Variants in SHQ1 observed in about 807,000 individuals in gnomAD.
The protein encoded by SHQ1 is SHQ1, H/ACA ribonucleoprotein assembly factor, also known as protein SHQ1 homolog.
In SHQ1, 49 loss-of-function variants were observed where a neutral mutation model predicts 53.8. The observed-to-expected ratio is 0.91, with a 90% CI of 0.72 to 1.16. The LOEUF (loss-of-function observed/expected upper bound fraction) is 1.16, where lower values mean the gene tolerates loss of function less well. Among genes scored for constraint, SHQ1 ranks in the 50% most tolerant of loss-of-function variants. The pLI is 0.00. For synonymous variants in SHQ1, 243 were observed against 251.0 expected (o/e 0.97, Z 0.30); for missense variants, 738 against 683.1 (o/e 1.08, Z -0.90).
intron 10 of SHQ1, among the ~76,000 whole-genome samples, chr3:72,774,917 C>T (rs1333998766): frequency 6.6e-6 from 1 of 152,014 alleles, no homozygotes; most frequent in East Asian, 1.9e-4. Context: ...GAGTTCAAGA[C>T]CAGCCTGACC....
chr3:72,782,324 CA>C (rs1252936239), intron 10 of SHQ1, among the ~76,000 whole-genome samples: 1 of 152,140 alleles, frequency 6.6e-6, no homozygotes, highest in Non-Finnish European at 1.5e-5. Context: ...TAAGCAAAAA[CA>C]ATTTCCTTGA....
the SHQ1 span, among the ~76,000 whole-genome samples, chr3:72,727,392 G>A: frequency 6.6e-6 from 1 of 152,098 alleles, no homozygotes; most frequent in Non-Finnish European, 1.5e-5. Flanking sequence ...CAACCCTCCG[G>A]AGGTCTACAG....
chr3:72,792,465 G>A (rs1470950244), intron 10 of SHQ1, among the ~76,000 whole-genome samples: 1 of 152,002 alleles, frequency 6.6e-6, no homozygotes, highest in Non-Finnish European at 1.5e-5. Context: ...TTAGTGTTTG[G>A]TAGGTCTATG....
rs76905931 is a variant in SHQ1 at position 72,771,715 on chromosome 3, G to C, written c.1182-20879C>G. On this transcript the variant is annotated intron_variant, in intron 10 of 10. Transcript: ENST00000325599. ...CAAGATGGACAAAGGTTGGAAATTT[G>C]GACCTATAAGAATAATTTAAGGCAG... 1.7e-3 allele frequency among the ~76,000 whole-genome samples: 259 copies of C among 152,318 alleles called. 8 individuals carry two copies. The East Asian group carries it at 0.043, about 25-fold the overall frequency.
At chr3:72,823,018 C>T (rs1029321875) in intron 6 of SHQ1, among the ~76,000 whole-genome samples, 3 of 151,808 alleles carry the variant, frequency 2.0e-5, no homozygotes, top group Non-Finnish European at 2.9e-5. Flanking sequence ...GCGCGGTGGC[C>T]GGTGCCTGTA....
chr3:72,815,443 G>C (rs772807142), intron 7 of SHQ1, 40 bp from the exon 8 acceptor site: 10 of 1,520,910 alleles, frequency 6.6e-6, no homozygotes, highest in East Asian at 4.5e-5. Context: ...TCACATTAGA[G>C]GTGAAGTCAT....
At position 72,844,280 on chromosome 3, in the gene SHQ1, A is replaced by G. The variant is rs895382899; in HGVS notation, c.208+79T>C. 2.0e-5 allele frequency: 24 copies of G among 1,200,746 alleles called. No homozygotes were observed. In the East Asian group the frequency reaches 3.3e-4, roughly 17 times the overall value. 74.4% of individuals were successfully genotyped at this position (1,200,746 alleles called of 1,614,324 possible). On this transcript the variant is annotated intron_variant, in intron 2 of 10. Coordinates refer to ENST00000325599, the MANE Select transcript of SHQ1 (RefSeq NM_018130.3). ...ATTTGAAAGACATCAAAAGGTCCCC[A>G]TGGTATCTTGTAAGATTATTATGTA...
At chr3:72,812,607 T>C (rs1707158772) in intron 9 of SHQ1, 64 bp downstream of exon 9, 3 of 1,584,020 alleles carry the variant, frequency 1.9e-6, no homozygotes, top group South Asian at 2.3e-5. Context: ...CATTATTATA[T>C]CTTCACAGAC....
chr3:72,767,161 T>C (rs59043569), intron 10 of SHQ1, among the ~76,000 whole-genome samples: 2,075 of 152,286 alleles, frequency 0.014, 40 homozygotes, highest in African/African-American at 0.046. Flanking sequence ...GGCTTCCAAA[T>C]TGCTTTCATA....
chr3:72,753,869 A>C (rs1452124924), intron 10 of SHQ1, among the ~76,000 whole-genome samples: 1 of 152,182 alleles, frequency 6.6e-6, no homozygotes, highest in Non-Finnish European at 1.5e-5. Context: ...AACCTTGACT[A>C]CCAGTGGTAA....
rs981682553 is a variant in SHQ1, at chr3:72,751,692, T to TA, written c.1182-857dup. Among the ~76,000 whole-genome samples, 145 of 151,444 alleles carry TA rather than the reference T, an allele frequency of 9.6e-4. 1 individual carries two copies. Among genetic ancestry groups the TA allele is most frequent in the African/African-American group, 3.3e-3 (137 of 41,282 alleles). The stretch of plus-strand genomic sequence containing the variant: ...TATTAGATGTTCAACTCCAGTCAAA[T>TA]AAGAGACATACAAATTAAAGTCATA... On this transcript the variant is annotated intron_variant, in intron 10 of 10. Transcript: ENST00000325599.
the SHQ1 span, among the ~76,000 whole-genome samples, chr3:72,738,205 C>A: frequency 2.0e-5 from 3 of 152,212 alleles, no homozygotes; most frequent in African/African-American, 7.2e-5. Flanking sequence ...TCCCACTGCA[C>A]CCTGTGCCCA....
At chr3:72,799,274 C>T (rs1451484497) in intron 9 of SHQ1, among the ~76,000 whole-genome samples, 3 of 152,064 alleles carry the variant, frequency 2.0e-5, no homozygotes, top group Admixed American at 6.6e-5. Context: ...AAAATAACAG[C>T]CAACATTACT....
chr3:72,808,384 C>A (rs1707018961), intron 9 of SHQ1, among the ~76,000 whole-genome samples: 1 of 152,142 alleles, frequency 6.6e-6, no homozygotes, highest in African/African-American at 2.4e-5. Flanking sequence ...CATATAATTT[C>A]ATTTATAACT....
At chr3:72,777,808 G>C (rs1246647304) in intron 10 of SHQ1, among the ~76,000 whole-genome samples, 1 of 152,142 alleles carries the variant, frequency 6.6e-6, no homozygotes, top group Non-Finnish European at 1.5e-5. Flanking sequence ...TTTATTAGTG[G>C]TTCCACAGAA....
At chr3:72,812,145 T>C (rs1707143646) in intron 9 of SHQ1, among the ~76,000 whole-genome samples, 1 of 152,244 alleles carries the variant, frequency 6.6e-6, no homozygotes, top group East Asian at 1.9e-4. Flanking sequence ...TCAGAGTAGC[T>C]GAGCTTTTTG....
intron 9 of SHQ1, 119 bp from the exon 10 acceptor site, chr3:72,793,155 C>T (rs1254465128): frequency 2.1e-6 from 2 of 930,936 alleles, no homozygotes; most frequent in East Asian, 2.7e-5. Context: ...TTTTTAAATG[C>T]AAAAAAATTT....
the SHQ1 span, among the ~76,000 whole-genome samples, chr3:72,732,388 G>GCCTTCCTGCCTT: frequency 1.7e-5 from 1 of 58,112 alleles, no homozygotes; most frequent in Non-Finnish European, 3.7e-5. Context: ...CTGCCTGCCT[G>GCCTTCCTGCCTT]CCTTCCTTCC....
Position 72,793,056 on chromosome 3 carries a change from C to T in SHQ1, c.1061-20G>A, listed in dbSNP as rs1465524767. ...TTTTACCTAAAGAAAATTGAAAAAA[C>T]ATAAAATTATCCTTAAGAAAAAGAA... On this transcript the variant is annotated intron_variant, in intron 9 of 10. Transcript: ENST00000325599. The T allele has an allele frequency of 6.3e-7, 1 of 1,585,554 alleles. No individual in the cohort carries two copies.
Sources: gnomAD v4.1 joint callset for allele counts (sites outside exome capture counted in the v4.1 genomes callset) on GRCh38, gnomAD v4.1.1 for gene constraint, MANE v1.5 for transcripts, NCBI Gene and HGNC (gene_info 2026-07-23, HGNC 2026-07-21) for gene names.